Variants in TP53BP1 observed in about 807,000 individuals in gnomAD.
The protein encoded by TP53BP1 is TP53-binding protein 1.
A neutral mutation model predicts 200.8 loss-of-function variants in TP53BP1; 61 were observed. That is an observed-to-expected ratio of 0.30 (90% CI 0.25 to 0.38). The LOEUF (loss-of-function observed/expected upper bound fraction) is 0.38, where lower values mean the gene tolerates loss of function less well. Among genes scored for constraint, TP53BP1 ranks in the 10% least tolerant of loss-of-function variants. TP53BP1 has a pLI of 1.00. For synonymous variants in TP53BP1, 822 were observed against 844.3 expected, an observed-to-expected ratio of 0.97 and a Z score of 0.46; for missense variants, 2,144 against 2,371.9, an observed-to-expected ratio of 0.90 and a Z score of 2.00.
rs551038749 is a variant in TP53BP1 at position 43,432,562 on chromosome 15, C to T, written c.3307G>A (p.Asp1103Asn). 12 of 1,614,002 alleles carry T rather than the reference C, an allele frequency of 7.4e-6. No individual in the cohort carries two copies. Among genetic ancestry groups the T allele is most frequent in the African/African-American group, 1.3e-5 (1 of 74,908 alleles). The change falls in exon 17 of 28, where the codon GAC becomes AAC. Residue 1103 changes from aspartate (D) to asparagine (N), a missense_variant. Coordinates refer to ENST00000382044, the MANE Select transcript of TP53BP1 (RefSeq NM_001141980.3). ...TTCTGGGAAGCAGGAGAAACAGGGTCCTTGACAGGACTAATGGGCTTCATA... is the reference window on the plus strand; with the variant it reads ...TTCTGGGAAGCAGGAGAAACAGGGTTCTTGACAGGACTAATGGGCTTCATA... Reference protein sequence around the residue: ...QPMKPISPVKDPVSPASQKMV... With the variant: ...QPMKPISPVKNPVSPASQKMV...
chr15:43,505,356 C>A (rs76072622), intron 1 of TP53BP1, among the ~76,000 whole-genome samples: 3,791 of 152,194 alleles, frequency 0.025, 172 homozygotes, highest in African/African-American at 0.088. Context: ...CAAAGAAAAT[C>A]CTTAAGAGAT....
intron 11 of TP53BP1, among the ~76,000 whole-genome samples, chr15:43,460,297 G>A (rs1171352865): frequency 2.6e-5 from 4 of 152,160 alleles, no homozygotes; most frequent in Non-Finnish European, 5.9e-5. Flanking sequence ...GTCTCGCTCT[G>A]CCAGCCAGGC....
rs965329304 is a variant in TP53BP1, at chr15:43,407,181, T to G, written c.*202A>C. ...CTATGTCTTGTCATTTGTTCTGAGA[T>G]TAAGCTCAAAAAAACAGATGAAGAA... On this transcript the variant is annotated 3_prime_UTR_variant, in exon 28 of 28. Coordinates refer to ENST00000382044, the MANE Select transcript of TP53BP1 (RefSeq NM_001141980.3). The G allele has an allele frequency of 1.1e-5, 6 of 559,672 alleles. No homozygotes were observed. Among genetic ancestry groups the G allele is most frequent in the African/African-American group, 3.8e-5 (2 of 53,194 alleles). The allele number at this position is 559,672 out of a possible 1,614,324, so 34.7% of individuals were successfully genotyped here. A position where few individuals can be genotyped will look rare whatever the true frequency, so the allele number is the denominator to read the frequency against.
rs779078293 is a variant in TP53BP1 at position 43,493,039 on chromosome 15, G to A, written c.5C>T (p.Pro2Leu). 5.6e-6 allele frequency: 9 copies of A among 1,612,968 alleles called. No individual in the cohort carries two copies. The African/African-American group carries it at 6.7e-5, about 12-fold the overall frequency. MPGEQMDPTGSQ... is the reference protein window; with the variant it reads MLGEQMDPTGSQ... ...TCCCATTTCTCTCCAAACAGTACCA[G>A]GCATCCCGGCGGGAGGTCCCTCGCG... The change falls in exon 1 of 28, where the codon CCT (proline) becomes CTT (leucine). Residue 2 changes from proline to leucine, a missense_variant and splice_region_variant. Coordinates refer to ENST00000382044, the MANE Select transcript of TP53BP1 (RefSeq NM_001141980.3).
At chr15:43,444,268 C>A (rs567643767) in intron 14 of TP53BP1, among the ~76,000 whole-genome samples, 1 of 152,000 alleles carries the variant, frequency 6.6e-6, no homozygotes, top group African/African-American at 2.4e-5. Flanking sequence ...TCTTGACAAA[C>A]CCTTTTTAAA....
At chr15:43,467,790 T>C (rs1481536850) in intron 11 of TP53BP1, among the ~76,000 whole-genome samples, 1 of 145,958 alleles carries the variant, frequency 6.9e-6, no homozygotes, top group Non-Finnish European at 1.5e-5. Flanking sequence ...CTTAAACTCT[T>C]TTTTTTTTTT....
At chr15:43,443,754 T>C (rs556612712) in intron 14 of TP53BP1, among the ~76,000 whole-genome samples, 1 of 152,166 alleles carries the variant, frequency 6.6e-6, no homozygotes, top group South Asian at 2.1e-4. Context: ...CAGCAACAGA[T>C]TAAAGGTCGT....
intron 4 of TP53BP1, among the ~76,000 whole-genome samples, chr15:43,485,402 C>T (rs2140139149): frequency 6.6e-6 from 1 of 151,586 alleles, no homozygotes; most frequent in African/African-American, 2.4e-5. Flanking sequence ...ATGGTGAAAC[C>T]CCATCTCCAC....
At chr15:43,451,295 T>C (rs1048815638) in intron 12 of TP53BP1, among the ~76,000 whole-genome samples, 8 of 152,082 alleles carry the variant, frequency 5.3e-5, no homozygotes, top group Admixed American at 3.3e-4. Context: ...CAACTCGTCA[T>C]TTAGCATTAG....
chr15:43,446,451 T>C lies in TP53BP1; in HGVS notation c.2976A>G (p.Leu992=). The part of the protein sequence containing the change: ...AAPDVDDKLC[L]RMKLVSPETE... ...TCTCAGGACTAACCAGTTTCATTCT[T>C]AGACATAATTTATCATCCACGTCTG... The change falls in exon 14 of 28, where the codon CTA becomes CTG. Residue 992 remains leucine (L), a synonymous_variant. Coordinates refer to ENST00000382044, the MANE Select transcript of TP53BP1 (RefSeq NM_001141980.3). 2 of 1,614,148 alleles carry C rather than the reference T, an allele frequency of 1.2e-6. No homozygotes were observed. The highest frequency in any genetic ancestry group is 1.7e-6 in the Non-Finnish European group (2 of 1,180,028).
At chr15:43,480,080 T>C in intron 5 of TP53BP1, 63 bp from the exon 6 acceptor site, 1 of 1,499,566 alleles carries the variant, frequency 6.7e-7, no homozygotes. Flanking sequence ...TACAAGCTGC[T>C]GTCCTCAGCA....
At chr15:43,421,538 C>T (rs2045398570) in intron 19 of TP53BP1, 1 of 485,026 alleles carries the variant, frequency 2.1e-6, no homozygotes, top group East Asian at 3.7e-5. Flanking sequence ...CCCAAACTTC[C>T]TGTACTCCCA....
intron 4 of TP53BP1, among the ~76,000 whole-genome samples, chr15:43,481,345 T>A (rs2078961986): frequency 6.6e-6 from 1 of 151,890 alleles, no homozygotes; most frequent in Non-Finnish European, 1.5e-5. Flanking sequence ...CAGAAAGGGC[T>A]CAAAAAACTT....
upstream of TP53BP1, among the ~76,000 whole-genome samples, chr15:43,496,020 G>A (rs1269933415): frequency 6.6e-6 from 1 of 152,090 alleles, no homozygotes; most frequent in Non-Finnish European, 1.5e-5. Context: ...AGCTAGATGA[G>A]CCAAAGGCCT....
At chr15:43,443,764 T>C (rs1277639722) in intron 14 of TP53BP1, among the ~76,000 whole-genome samples, 4 of 152,158 alleles carry the variant, frequency 2.6e-5, no homozygotes, top group Non-Finnish European at 5.9e-5. Flanking sequence ...TTAAAGGTCG[T>C]ACTGAAAAAA....
rs535243144 is a variant in TP53BP1, at chr15:43,428,124, G to C, written c.3720C>G (p.Val1240=). The part of the protein sequence containing the change: ...FDMPQPPHGH[V]LHRHMRTIRE... The stretch of plus-strand genomic sequence containing the variant: ...GGATTGTTCTCATGTGACGATGTAA[G>C]ACATGGCCATGTGGAGGCTGAGGCA... Residue 1240 remains valine, a synonymous_variant, in exon 18 of 28, where the codon GTC becomes GTG. Coordinates refer to ENST00000382044, the MANE Select transcript of TP53BP1 (RefSeq NM_001141980.3). 103 of 1,613,766 alleles carry C rather than the reference G, an allele frequency of 6.4e-5. No homozygotes were observed. The highest frequency in any genetic ancestry group is 3.8e-4 in the Admixed American group (23 of 60,018).
chr15:43,504,811 G>A (rs1431020818), intron 1 of TP53BP1, among the ~76,000 whole-genome samples: 7 of 152,132 alleles, frequency 4.6e-5, no homozygotes, highest in Non-Finnish European at 5.9e-5. Context: ...CCTGAGGTCA[G>A]GAGTTCAAGA....
intron 11 of TP53BP1, among the ~76,000 whole-genome samples, chr15:43,464,976 T>C (rs2046535196): frequency 6.6e-6 from 1 of 151,946 alleles, no homozygotes; most frequent in Non-Finnish European, 1.5e-5. Context: ...ATATTTTTTA[T>C]AGACAAGGAT....
chr15:43,443,823 G>A (rs554994752), intron 14 of TP53BP1, among the ~76,000 whole-genome samples: 5 of 152,306 alleles, frequency 3.3e-5, no homozygotes, highest in African/African-American at 1.2e-4. Flanking sequence ...ATTAAAATTT[G>A]TTCATTTACA....
Sources: gnomAD v4.1 joint callset for allele counts (sites outside exome capture counted in the v4.1 genomes callset) on GRCh38, gnomAD v4.1.1 for gene constraint, MANE v1.5 for transcripts, NCBI Gene and HGNC (gene_info 2026-07-23, HGNC 2026-07-21) for gene names.